The following NFXL1 variants were observed in gnomAD, a reference collection of about 807,000 sequenced individuals.
NFXL1 encodes the protein NF-X1-type zinc finger protein NFXL1.
In NFXL1, 66 loss-of-function variants were observed where a neutral mutation model predicts 123.3. The observed-to-expected ratio is 0.54, with a 90% CI of 0.44 to 0.66. The LOEUF (loss-of-function observed/expected upper bound fraction) is 0.66, where lower values mean the gene tolerates loss of function less well. Among genes scored for constraint, NFXL1 ranks in the 30% least tolerant of loss-of-function variants. The pLI, the probability that NFXL1 is intolerant of heterozygous loss-of-function variation, is 0.00. For synonymous variants in NFXL1, 346 were observed against 360.8 expected (o/e 0.96, Z 0.46); for missense variants, 944 against 1,125.6 (o/e 0.84, Z 2.31).
At chr4:47,908,952 CGCAAAA>C (rs1339306391) in intron 3 of NFXL1, among the ~76,000 whole-genome samples, 6 of 60,438 alleles carry the variant, frequency 9.9e-5, no homozygotes, top group Non-Finnish European at 2.2e-4. Context: ...GAGACTCCGT[CGCAAAA>C]AAAAAAAAAA....
chr4:47,859,841 CAAAAAAAAAAA>C (rs938207203), intron 19 of NFXL1, among the ~76,000 whole-genome samples: 8 of 14,314 alleles, frequency 5.6e-4, no homozygotes, highest in African/African-American at 1.8e-3. Flanking sequence ...GACTCCATCT[CAAAAAAAAAAA>C]AAAAAAAAAA....
chr4:47,884,628 A>G (rs1344031723), intron 14 of NFXL1, among the ~76,000 whole-genome samples, 191 bp from the exon 15 acceptor site: 1 of 152,200 alleles, frequency 6.6e-6, no homozygotes, highest in African/African-American at 2.4e-5. Context: ...CTCCACAGAC[A>G]TTTGATATTA....
rs372594643 is a variant in NFXL1 at position 47,854,087 on chromosome 4, A to T, written c.2421+972T>A. 7.9e-5 allele frequency among the ~76,000 whole-genome samples: 12 copies of T among 152,216 alleles called. 1 individual carries two copies. Among genetic ancestry groups the T allele is most frequent in the African/African-American group, 2.9e-4 (12 of 41,554 alleles). On this transcript the variant is annotated intron_variant, in intron 20 of 22. Coordinates refer to ENST00000507489, the MANE Select transcript of NFXL1 (RefSeq NM_001278624.2). ...TTTCAGGTACAGGGGGTCAATTTAA[A>T]TATCTAAAACTTAAAGATTCCACTC... is the stretch of plus-strand genomic sequence containing the variant.
rs2110112757 is a variant in NFXL1 at position 47,913,040 on chromosome 4, C to T, written c.235+929G>A. 2.1e-5 allele frequency among the ~76,000 whole-genome samples: 3 copies of T among 140,864 alleles called. No individual in the cohort carries two copies. The South Asian group carries it at 6.8e-4, about 32-fold the overall frequency. 92.4% of individuals were successfully genotyped at this position (140,864 alleles called of 152,430 possible). On this transcript the variant is annotated intron_variant, in intron 2 of 22. Coordinates refer to ENST00000507489, the MANE Select transcript of NFXL1 (RefSeq NM_001278624.2). ...AAAAAAAAAAAAAAAAAAAAGTTTA[C>T]CAAACCTGTTCACACGTCTCCATAT...
At position 47,872,986 on chromosome 4, in the gene NFXL1, T is replaced by C. The variant is rs1272219960; in HGVS notation, c.2246+2141A>G. 4.6e-5 allele frequency among the ~76,000 whole-genome samples: 7 copies of C among 152,246 alleles called. No individual in the cohort carries two copies. In the East Asian group the frequency reaches 1.3e-3, roughly 29 times the overall value. ...TCCTATCAAACCTGCTGCTGCTTTA[T>C]CAACTAAGTTTGGGTAATATTCTAA... On this transcript the variant is annotated intron_variant, in intron 18 of 22. Transcript: ENST00000507489.
intron 18 of NFXL1, among the ~76,000 whole-genome samples, chr4:47,869,535 T>C (rs1214155624): frequency 6.6e-6 from 1 of 152,134 alleles, no homozygotes; most frequent in Admixed American, 6.5e-5. Context: ...GGAAGTATAA[T>C]GTAAAGACAT....
chr4:47,900,050 TAAAC>T (rs983300467), intron 5 of NFXL1, among the ~76,000 whole-genome samples: 15 of 152,068 alleles, frequency 9.9e-5, no homozygotes, highest in African/African-American at 3.6e-4. Flanking sequence ...GGTTTACAAA[TAAAC>T]AAAATATATT....
rs767818427 is a variant in NFXL1 at position 47,896,595 on chromosome 4, G to C, written c.1257C>G (p.Asp419Glu). The change falls in exon 10 of 23, where the codon GAC becomes GAG. Residue 419 changes from aspartate to glutamate, a missense_variant. Coordinates refer to ENST00000507489, the MANE Select transcript of NFXL1 (RefSeq NM_001278624.2). ...TATGGATTCCGCATTCAAGTACTTT[G>C]TCACAACTGTCTCCACAAGTTGGTA... ...EDVPTCGDSC[D>E]KVLECGIHRC... 1 of 1,611,838 alleles carries C rather than the reference G, an allele frequency of 6.2e-7. No homozygotes were observed. Among genetic ancestry groups the C allele is most frequent in the South Asian group, 1.1e-5 (1 of 91,018 alleles).
Position 47,878,560 on chromosome 4 carries a change from C to T in NFXL1, c.2044G>A (p.Val682Ile). Residue 682 changes from valine to isoleucine, a missense_variant, in exon 17 of 23, where the codon GTA (valine) becomes ATA (isoleucine). By Grantham distance (29) the Val-to-Ile change is conservative (BLOSUM62 3). Coordinates refer to ENST00000507489, the MANE Select transcript of NFXL1 (RefSeq NM_001278624.2). ...NHTCMKECHK[V>I]TKTDGCTGKN... ...CCAGTGCAGCCATCAGTTTTGGTTA[C>T]TTTGTGGCATTCTTTCATACATGTG... The T allele has an allele frequency of 1.2e-6, 2 of 1,603,036 alleles. No homozygotes were observed. The highest frequency in any genetic ancestry group is 1.7e-5 in the Admixed American group (1 of 58,110).
rs186846149 is a variant in NFXL1, at chr4:47,885,695, G to A, written c.1665-38C>T. On this transcript the variant is annotated intron_variant, in intron 13 of 22. Coordinates refer to ENST00000507489, the MANE Select transcript of NFXL1 (RefSeq NM_001278624.2). ...GTACAATTTTCAAAAATTACTTTTA[G>A]TCATTGAATAATTACATCTAAAGGA... The A allele has an allele frequency of 7.0e-5, 109 of 1,556,222 alleles. 1 individual carries two copies. The highest frequency in any genetic ancestry group is 9.6e-5 in the Non-Finnish European group (108 of 1,130,788).
intron 3 of NFXL1, among the ~76,000 whole-genome samples, chr4:47,906,588 A>T (rs969664183): frequency 3.9e-5 from 6 of 152,146 alleles, no homozygotes; most frequent in Non-Finnish European, 7.4e-5. Flanking sequence ...GAAGTTTTTA[A>T]AAAAATCCTT....
intron 3 of NFXL1, among the ~76,000 whole-genome samples, chr4:47,908,669 T>C (rs1737674754): frequency 6.6e-6 from 1 of 151,632 alleles, no homozygotes; most frequent in Non-Finnish European, 1.5e-5. Context: ...AAGAAACAAA[T>C]TTTTGGCCTG....
chr4:47,864,209 ATTAAC>A (rs1041315121), intron 18 of NFXL1, among the ~76,000 whole-genome samples: 3 of 152,324 alleles, frequency 2.0e-5, no homozygotes, highest in Non-Finnish European at 4.4e-5. Context: ...TTAGGAATAA[ATTAAC>A]TTTTCAAGTT....
At chr4:47,867,681 A>C (rs921819401) in intron 18 of NFXL1, among the ~76,000 whole-genome samples, 1 of 152,096 alleles carries the variant, frequency 6.6e-6, no homozygotes, top group Non-Finnish European at 1.5e-5. Context: ...GAAAGAAACA[A>C]CTTTAGGGGT....
chr4:47,912,275 G>C (rs1430162351), intron 2 of NFXL1, among the ~76,000 whole-genome samples: 3 of 152,036 alleles, frequency 2.0e-5, no homozygotes, highest in Non-Finnish European at 4.4e-5. Context: ...GCACTTAAAA[G>C]ATACATAAGA....
At chr4:47,876,120 T>C (rs58402211) in intron 17 of NFXL1, among the ~76,000 whole-genome samples, 4,532 of 152,110 alleles carry the variant, frequency 0.03, 247 homozygotes, top group African/African-American at 0.1. Flanking sequence ...TTTTGACATA[T>C]AGGATTAAAA....
intron 19 of NFXL1, among the ~76,000 whole-genome samples, chr4:47,861,018 A>ATTTTTT (rs34491160): frequency 6.9e-6 from 1 of 145,022 alleles, no homozygotes; most frequent in Non-Finnish European, 1.5e-5. Context: ...ACGTCAGGCT[A>ATTTTTT]TTTTTTTTTT....
Position 47,848,348 on chromosome 4 carries a change from C to A in NFXL1, c.2563-12G>T, listed in dbSNP as rs763554462. 6.3e-7 allele frequency: 1 copy of A among 1,576,248 alleles called. No homozygotes were observed. The highest frequency in any genetic ancestry group is 1.2e-5 in the South Asian group (1 of 85,738). On this transcript the variant is annotated splice_polypyrimidine_tract_variant and intron_variant, in intron 22 of 22. Coordinates refer to ENST00000507489, the MANE Select transcript of NFXL1 (RefSeq NM_001278624.2). ...GCTTCTAGTTCAGCCTAAATAAAAA[C>A]AGCATCATTTTAATTAAATTCAATG...
At chr4:47,884,474 G>T (rs901529418) in intron 14 of NFXL1, 37 bp from the exon 15 acceptor site, 3 of 1,284,250 alleles carry the variant, frequency 2.3e-6, no homozygotes, top group Non-Finnish European at 1.1e-6. Context: ...AAGTCAGAGG[G>T]ATTAAATCAT....
Sources: allele counts gnomAD v4.1 joint callset (sites outside exome capture counted in the v4.1 genomes callset), GRCh38; gene constraint gnomAD v4.1.1; transcripts MANE v1.5; gene names NCBI Gene and HGNC (gene_info 2026-07-23, HGNC 2026-07-21).